NRP1: variants seen among roughly 807,000 people sequenced by gnomAD.
NRP1 encodes the protein neuropilin-1.
Under a neutral mutation model 106.7 loss-of-function variants are expected in NRP1, and 35 were observed. The observed-to-expected ratio is 0.33, with a 90% CI of 0.25 to 0.43. The LOEUF is 0.43. Among genes scored for constraint, NRP1 ranks in the 20% least tolerant of loss-of-function variants. The pLI is 1.00. For synonymous variants in NRP1, 437 were observed against 417.9 expected (o/e 1.05, Z -0.56); for missense variants, 1,024 against 1,170.4 (o/e 0.87, Z 1.83).
At chr10:33,243,984 C>T (rs7893726) in intron 6 of NRP1, among the ~76,000 whole-genome samples, 3,543 of 148,886 alleles carry the variant, frequency 0.024, 152 homozygotes, top group African/African-American at 0.084. Flanking sequence ...CTTGCGTCTG[C>T]CTATGTTTCA....
chr10:33,326,221 G>A (rs556228376), intron 2 of NRP1, among the ~76,000 whole-genome samples: 1 of 152,110 alleles, frequency 6.6e-6, no homozygotes, highest in Non-Finnish European at 1.5e-5. Flanking sequence ...TGACATTCTT[G>A]TTTATTATAC....
intron 15 of NRP1, among the ~76,000 whole-genome samples, chr10:33,183,021 G>GAA (rs1446755916): frequency 2.0e-5 from 3 of 152,190 alleles, no homozygotes; most frequent in Non-Finnish European, 4.4e-5. Context: ...GCTGCTAGCA[G>GAA]AATCTGTTGT....
intron 10 of NRP1, chr10:33,206,367 G>T (rs763751480): frequency 3.9e-6 from 2 of 518,108 alleles, no homozygotes; most frequent in Non-Finnish European, 7.7e-6. Context: ...GATAATTTAG[G>T]GGTTTGGGAC....
chr10:33,303,478 T>C (rs2776932), intron 2 of NRP1, among the ~76,000 whole-genome samples: 18,879 of 152,248 alleles, frequency 0.12, 1,534 homozygotes, highest in East Asian at 0.29. Context: ...CTTCGCCCCT[T>C]CCTTCCATAC....
chr10:33,302,480 A>AAGTTCTT (rs1845870082), intron 2 of NRP1, among the ~76,000 whole-genome samples: 1 of 152,222 alleles, frequency 6.6e-6, no homozygotes, highest in African/African-American at 2.4e-5. Flanking sequence ...ATTGGATAAG[A>AAGTTCTT]ACTTCCCCTA....
chr10:33,298,744 T>C (rs941098290), intron 2 of NRP1, among the ~76,000 whole-genome samples: 1 of 152,198 alleles, frequency 6.6e-6, no homozygotes, highest in Non-Finnish European at 1.5e-5. Context: ...CTTTGTAAGA[T>C]GAGAAAGATA....
Position 33,213,473 on chromosome 10 carries a change from C to G in NRP1, c.1527G>C (p.Lys509Asn). The G allele has an allele frequency of 1.9e-6, 3 of 1,614,102 alleles. No homozygotes were observed. The highest frequency in any genetic ancestry group is 1.7e-6 in the Non-Finnish European group (2 of 1,180,038). The change falls in exon 9 of 17, where the codon AAG (lysine) becomes AAC (asparagine). Residue 509 changes from lysine to asparagine, a missense_variant. Physicochemically the swap from Lys to Asn is moderately conservative, Grantham distance 94 (BLOSUM62 0). This residue lies in a region of NRP1 where 562 missense variants were observed against 620.3 expected (regional missense o/e 0.91). Transcript: ENST00000374867. ...IIQGGKHREN[K>N]VFMRKFKIGY... ...CGATCTTGAACTTCCTCATGAACAC[C>G]TTGTTCTCTCGGTGCTTCCCACCCT...
intron 1 of NRP1, among the ~76,000 whole-genome samples, chr10:33,332,253 GTAAAA>G (rs1327325770): frequency 6.6e-6 from 1 of 152,188 alleles, no homozygotes; most frequent in Non-Finnish European, 1.5e-5. Flanking sequence ...GCACTGGCTT[GTAAAA>G]GTGTAAGCTT....
intron 2 of NRP1, among the ~76,000 whole-genome samples, chr10:33,293,094 G>T (rs148616729): frequency 1.3e-5 from 2 of 152,048 alleles, no homozygotes; most frequent in South Asian, 2.1e-4. Context: ...ACAGGCTTCC[G>T]ATTTGTCTTG....
intron 2 of NRP1, 47 bp from the exon 3 acceptor site, chr10:33,270,903 C>T (rs745469033): frequency 6.8e-7 from 1 of 1,479,002 alleles, no homozygotes; most frequent in Non-Finnish European, 9.1e-7. Context: ...GAGAAATGCC[C>T]TTTTAATTTC....
At chr10:33,226,098 GACCAAA>G in intron 7 of NRP1, 30 bp downstream of exon 7, 2 of 1,608,100 alleles carry the variant, frequency 1.2e-6, no homozygotes, top group African/African-American at 2.7e-5. Context: ...CCATTTAAAA[GACCAAA>G]TTGGTTGCCA....
At chr10:33,328,402 C>T (rs1013628374) in intron 2 of NRP1, among the ~76,000 whole-genome samples, 4 of 151,924 alleles carry the variant, frequency 2.6e-5, no homozygotes, top group African/African-American at 4.8e-5. Flanking sequence ...TCTCTAGGCA[C>T]CAAAATGTTG....
At chr10:33,188,758 T>C (rs898377416) in intron 13 of NRP1, among the ~76,000 whole-genome samples, 9 of 151,158 alleles carry the variant, frequency 6.0e-5, no homozygotes, top group Non-Finnish European at 1.3e-4. Context: ...GCATCTGTAG[T>C]AGCTCCTACA....
At chr10:33,312,833 A>G (rs546343357) in intron 2 of NRP1, among the ~76,000 whole-genome samples, 2 of 152,272 alleles carry the variant, frequency 1.3e-5, no homozygotes, top group South Asian at 4.1e-4. Flanking sequence ...TCTTCTTTAC[A>G]AGCTAATGTT....
intron 2 of NRP1, among the ~76,000 whole-genome samples, chr10:33,317,522 C>A (rs1430195415): frequency 6.6e-6 from 1 of 152,230 alleles, no homozygotes; most frequent in Non-Finnish European, 1.5e-5. Context: ...ATATCATTTT[C>A]TCTTTCTTGG....
chr10:33,180,108 G>A lies in NRP1; in HGVS notation c.2740C>T (p.Leu914=). Reference sequence around the variant, plus strand: ...TCCGAATAAGTACTCTGTGTATTCAGTTTGTCTTTTTTCAACTTCACACCA... The same window carrying A: ...TCCGAATAAGTACTCTGTGTATTCAATTTGTCTTTTTTCAACTTCACACCA... ...VDGVKLKKDK[L]NTQSTYSEA is the part of the protein sequence containing the mutation. Residue 914 remains leucine, a synonymous_variant, in exon 17 of 17, where the codon CTG becomes TTG. Transcript: ENST00000374867. 6.2e-7 allele frequency: 1 copy of A among 1,614,188 alleles called. No homozygotes were observed. The highest frequency in any genetic ancestry group is 8.5e-7 in the Non-Finnish European group (1 of 1,180,040).
At chr10:33,310,248 C>CTT (rs35513274) in intron 2 of NRP1, among the ~76,000 whole-genome samples, 30,020 of 80,046 alleles carry the variant, frequency 0.38, 7,719 homozygotes, top group East Asian at 0.51. Context: ...TGCGCCCGGC[C>CTT]TTTTTTTTTT....
At chr10:33,229,100 C>T (rs1839904229) in intron 6 of NRP1, among the ~76,000 whole-genome samples, 1 of 152,240 alleles carries the variant, frequency 6.6e-6, no homozygotes, top group Non-Finnish European at 1.5e-5. Flanking sequence ...TCAGGCAAAA[C>T]CAAATTTTTT....
In NRP1 at chr10:33,202,568, G is replaced by GGT. The variant is rs1554778090; in HGVS notation, c.1864+322_1864+323insAC. The GGT allele has an allele frequency of 5.1e-5, 57 of 1,121,026 alleles. 1 individual carries two copies. In the East Asian group the frequency reaches 1.7e-3, roughly 34 times the overall value. 69.4% of individuals were successfully genotyped at this position (1,121,026 alleles called of 1,614,324 possible). A position where few individuals can be genotyped will look rare whatever the true frequency, so the allele number is the denominator to read the frequency against. On this transcript the variant is annotated intron_variant, in intron 11 of 16. Coordinates refer to ENST00000374867, the MANE Select transcript of NRP1 (RefSeq NM_003873.7). ...ACGTAGGGGTGGTGCACGTGTTATT[G>GGT]GGGGGGGGTCTGAAAATAATGAAAA...
Sources: allele counts gnomAD v4.1 joint callset (sites outside exome capture counted in the v4.1 genomes callset), GRCh38; gene constraint gnomAD v4.1.1; regional missense constraint gnomAD v4.1.1; transcripts MANE v1.5; gene names NCBI Gene and HGNC (gene_info 2026-07-23, HGNC 2026-07-21).